The following IFT52 variants were observed in gnomAD, a reference collection of about 807,000 sequenced individuals.
The protein encoded by IFT52 is intraflagellar transport protein 52 homolog.
IFT52 carries 44 observed loss-of-function variants against 54.4 expected under a neutral mutation model. The observed-to-expected ratio is 0.81, with a 90% CI of 0.63 to 1.04. The LOEUF is 1.04. IFT52 is among the 50% of genes least tolerant of loss of function. IFT52 has a pLI of 0.00. For synonymous variants in IFT52, 181 were observed against 185.3 expected (o/e 0.98, Z 0.19); for missense variants, 452 against 523.6 (o/e 0.86, Z 1.33).
chr20:43,642,017 C>T (rs2145680330), intron 12 of IFT52: 1 of 153,380 alleles, frequency 6.5e-6, no homozygotes, highest in African/African-American at 2.4e-5. Context: ...TGATCTTGAA[C>T]ACCTGACCTC....
At chr20:43,598,913 T>C (rs893210836) in intron 3 of IFT52, among the ~76,000 whole-genome samples, 17 of 151,804 alleles carry the variant, frequency 1.1e-4, no homozygotes, top group Admixed American at 7.2e-4. Flanking sequence ...GGTCCTTAGA[T>C]TGAGGCAGGC....
chr20:43,634,958 C>A (rs951008149), intron 10 of IFT52, among the ~76,000 whole-genome samples: 5 of 152,028 alleles, frequency 3.3e-5, no homozygotes, highest in African/African-American at 1.2e-4. Flanking sequence ...ATCACGAGGT[C>A]AGGAGTTCAA....
intron 4 of IFT52, 44 bp from the exon 5 acceptor site, chr20:43,604,139 T>A: frequency 6.7e-7 from 1 of 1,496,498 alleles, no homozygotes; most frequent in Non-Finnish European, 9.3e-7. Flanking sequence ...ATATCGAATT[T>A]ATTTCTAACC....
rs939499339 is a variant in IFT52 at position 43,637,558 on chromosome 20, T to C, written c.1120+305T>C. 2.3e-4 allele frequency among the ~76,000 whole-genome samples: 35 copies of C among 152,194 alleles called. 1 individual carries two copies. The highest frequency in any genetic ancestry group is 5.1e-4 in the Non-Finnish European group (35 of 68,038). On this transcript the variant is annotated intron_variant, in intron 12 of 13. Coordinates refer to ENST00000373030, the MANE Select transcript of IFT52 (RefSeq NM_016004.5). Reference sequence around the variant, plus strand: ...GATTACAGGCGTGAGCCACCATGCCTGGCCTAAGTTTGGCCAACTTTTAAA... The same window carrying C: ...GATTACAGGCGTGAGCCACCATGCCCGGCCTAAGTTTGGCCAACTTTTAAA...
chr20:43,631,773 G>A (rs768681327), intron 10 of IFT52, among the ~76,000 whole-genome samples: 23 of 152,090 alleles, frequency 1.5e-4, no homozygotes, highest in South Asian at 8.3e-4. Flanking sequence ...TGAAAATGCC[G>A]GGCACCCTTC....
chr20:43,605,304 T>C, intron 6 of IFT52: 1 of 1,147,322 alleles, frequency 8.7e-7, no homozygotes. Context: ...CTAGCACTTT[T>C]GGGAGGCCGA....
intron 10 of IFT52, among the ~76,000 whole-genome samples, chr20:43,630,313 A>C (rs1003203400): frequency 2.0e-5 from 3 of 152,182 alleles, no homozygotes; most frequent in Admixed American, 2.0e-4. Context: ...TCATTATGAT[A>C]ATTCTTCAGT....
intron 3 of IFT52, among the ~76,000 whole-genome samples, chr20:43,596,866 C>T (rs1982008631): frequency 6.6e-6 from 1 of 150,404 alleles, no homozygotes; most frequent in Non-Finnish European, 1.5e-5. Context: ...CCTCAGCCTC[C>T]TGAGTAGCTG....
At chr20:43,625,958 C>T (rs1984682494) in intron 10 of IFT52, among the ~76,000 whole-genome samples, 1 of 150,352 alleles carries the variant, frequency 6.7e-6, no homozygotes, top group Non-Finnish European at 1.5e-5. Flanking sequence ...ATTGCTTGGG[C>T]CCCAAAGGTT....
At chr20:43,623,868 A>G in intron 9 of IFT52, 23 bp from the exon 10 acceptor site, 1 of 1,611,700 alleles carries the variant, frequency 6.2e-7, no homozygotes, top group Non-Finnish European at 8.5e-7. Context: ...CTGTGCTAAA[A>G]GGAACCCTCT....
chr20:43,622,770 G>GTGTAAATATAAATATATACATATTTTTA (rs1568768421), intron 9 of IFT52, among the ~76,000 whole-genome samples: 7 of 127,820 alleles, frequency 5.5e-5, no homozygotes, highest in Non-Finnish European at 6.5e-5. Context: ...TATACAAATT[G>GTGTAAATATAAATATATACATATTTTTA]TGTGTAAATA....
chr20:43,604,165 T>C lies in IFT52; in HGVS notation c.338-18T>C, dbSNP rs141958630. 281 of 1,573,190 alleles carry C rather than the reference T, an allele frequency of 1.8e-4. No homozygotes were observed. The highest frequency in any genetic ancestry group is 2.4e-4 in the Non-Finnish European group (273 of 1,142,980). Reference sequence around the variant, plus strand: ...ATTTCTAACCTAAAATATACCTCCTTCTCTTTTTCCCTCATAGATGCTGTG... The same window carrying C: ...ATTTCTAACCTAAAATATACCTCCTCCTCTTTTTCCCTCATAGATGCTGTG... On this transcript the variant is annotated intron_variant, in intron 4 of 13. Transcript: ENST00000373030.
intron 1 of IFT52, among the ~76,000 whole-genome samples, chr20:43,593,015 C>T (rs986725092): frequency 1.1e-4 from 17 of 152,162 alleles, no homozygotes; most frequent in Non-Finnish European, 2.2e-4. Context: ...GGGATGATTG[C>T]TTGAGCCTGG....
chr20:43,603,612 G>A, intron 3 of IFT52, 148 bp from the exon 4 acceptor site: 2 of 660,806 alleles, frequency 3.0e-6, no homozygotes, highest in Non-Finnish European at 4.9e-6. Context: ...ATCCTACATA[G>A]AGAGTACTTT....
chr20:43,607,906 A>G (rs988043495), intron 6 of IFT52, among the ~76,000 whole-genome samples: 6 of 152,194 alleles, frequency 3.9e-5, no homozygotes, highest in Admixed American at 6.5e-5. Flanking sequence ...GCACCTCGGG[A>G]GGCCGAGGCT....
chr20:43,596,385 A>G (rs926479809), intron 2 of IFT52, 50 bp from the exon 3 acceptor site: 1 of 1,175,582 alleles, frequency 8.5e-7, no homozygotes, highest in Non-Finnish European at 1.3e-6. Context: ...TAATACATAA[A>G]TTGGTTTAAA....
intron 7 of IFT52, among the ~76,000 whole-genome samples, chr20:43,614,214 T>C (rs1420763941): frequency 6.6e-6 from 1 of 152,132 alleles, no homozygotes; most frequent in Non-Finnish European, 1.5e-5. Flanking sequence ...GCTTTTCCAC[T>C]GTAGCATGAG....
intron 7 of IFT52, among the ~76,000 whole-genome samples, chr20:43,617,624 A>G (rs1983960884): frequency 6.6e-6 from 1 of 152,078 alleles, no homozygotes. Context: ...TTGTATTTTT[A>G]ATAGAGACGG....
chr20:43,602,617 C>T (rs1982551171), intron 3 of IFT52, among the ~76,000 whole-genome samples: 6 of 151,982 alleles, frequency 3.9e-5, no homozygotes, highest in Admixed American at 3.3e-4. Flanking sequence ...CAAGCAATTC[C>T]CCTCCCTCAA....
Sources: allele counts gnomAD v4.1 joint callset (sites outside exome capture counted in the v4.1 genomes callset), GRCh38; gene constraint gnomAD v4.1.1; transcripts MANE v1.5; gene names NCBI Gene and HGNC (gene_info 2026-07-23, HGNC 2026-07-21).